LRP2: variants seen among roughly 807,000 people sequenced by gnomAD.
LRP2 encodes the protein low-density lipoprotein receptor-related protein 2.
In LRP2, 172 loss-of-function variants were observed where a neutral mutation model predicts 531.0. That is an observed-to-expected ratio of 0.32 (90% CI 0.29 to 0.37). LRP2 has a LOEUF of 0.37. LRP2 is among the 10% of genes least tolerant of loss of function. LRP2 has a pLI of 1.00. For synonymous variants in LRP2, 1,992 were observed against 2,027.6 expected (o/e 0.98, Z 0.47); for missense variants, 5,167 against 5,868.3 (o/e 0.88, Z 3.90).
chr2:169,288,406 C>A (rs1209825660), intron 9 of LRP2, among the ~76,000 whole-genome samples: 1 of 152,194 alleles, frequency 6.6e-6, no homozygotes, highest in Non-Finnish European at 1.5e-5. Flanking sequence ...TTAATGCCAG[C>A]CACCATCTGG....
chr2:169,132,629 G>A lies in LRP2; in HGVS notation c.13673C>T (p.Pro4558Leu), dbSNP rs1285682356. The change falls in exon 77 of 79, where the codon CCT (proline) becomes CTT (leucine). Residue 4558 changes from proline (P) to leucine (L), a missense_variant. Physicochemically the swap from Pro to Leu is moderately conservative, Grantham distance 98. This residue lies in a region of LRP2 where 348 missense variants were observed against 369.3 expected (regional missense o/e 0.94). Coordinates refer to ENST00000649046, the MANE Select transcript of LRP2 (RefSeq NM_004525.3). ...DNKNYGSPIN[P>L]SEIVPETNPT... ...GTTTGTCTCTGGAACTATCTCAGAA[G>A]GGTTTATGGGACTTCCATAATTCTT... The A allele has an allele frequency of 6.2e-7, 1 of 1,611,700 alleles. No individual in the cohort carries two copies. Among genetic ancestry groups the A allele is most frequent in the Admixed American group, 1.7e-5 (1 of 59,998 alleles).
chr2:169,292,230 T>C (rs1684016712), intron 7 of LRP2, 23 bp downstream of exon 7: 2 of 1,493,728 alleles, frequency 1.3e-6, no homozygotes, highest in Non-Finnish European at 1.9e-6. Flanking sequence ...TGCTTTTCAG[T>C]AGGAATCTCT....
rs539302457 is a variant in LRP2, at chr2:169,244,446, G to A, written c.3430+247C>T. Among the ~76,000 whole-genome samples, 3 of 152,276 alleles carry A rather than the reference G, an allele frequency of 2.0e-5. No homozygotes were observed. In the South Asian group the frequency reaches 6.2e-4, roughly 32 times the overall value. On this transcript the variant is annotated intron_variant, in intron 22 of 78. Coordinates refer to ENST00000649046, the MANE Select transcript of LRP2 (RefSeq NM_004525.3). ...ATTCCTATCTGAATTGAAATGTTTGGCATCAGAGGCAGTCCTTGCTTTGCT... is the reference window on the plus strand; with the variant it reads ...ATTCCTATCTGAATTGAAATGTTTGACATCAGAGGCAGTCCTTGCTTTGCT...
chr2:169,301,375 A>G (rs1684281842), intron 4 of LRP2, among the ~76,000 whole-genome samples: 1 of 151,086 alleles, frequency 6.6e-6, no homozygotes, highest in Non-Finnish European at 1.5e-5. Flanking sequence ...AGTAAAATGG[A>G]CCGCAGTTTT....
In LRP2 at chr2:169,244,708, C is replaced by T; in HGVS notation, c.3415G>A (p.Asp1139Asn). 1 of 1,614,228 alleles carries T rather than the reference C, an allele frequency of 6.2e-7. No individual in the cohort carries two copies. Among genetic ancestry groups the T allele is most frequent in the Non-Finnish European group, 8.5e-7 (1 of 1,180,042 alleles). ...DTDNDCGDGS[D>N]EKNCNSTETC... ...CAAAACTTACTGCAGTTCTTTTCAT[C>T]AGATCCATCCCCACAATCATTGTCT... is the stretch of plus-strand genomic sequence containing the variant. Residue 1139 changes from aspartate to asparagine, a missense_variant, in exon 22 of 79, where the codon GAT becomes AAT. By Grantham distance (23) the Asp-to-Asn change is conservative. This residue lies in a region of LRP2 where 2,811 missense variants were observed against 3,058.0 expected (regional missense o/e 0.92). Coordinates refer to ENST00000649046, the MANE Select transcript of LRP2 (RefSeq NM_004525.3).
At chr2:169,182,420 A>G (rs1687474803) in intron 50 of LRP2, 101 bp from the exon 51 acceptor site, 2 of 1,591,780 alleles carry the variant, frequency 1.3e-6, no homozygotes, top group Admixed American at 1.7e-5. Flanking sequence ...AATCACAGAC[A>G]GTTGTTAGAA....
At position 169,284,256 on chromosome 2, in the gene LRP2, C is replaced by CTCTTTTTTTT. The variant is rs1553508684; in HGVS notation, c.1043-1256_1043-1255insAAAAAAAAGA. 5.0e-4 allele frequency among the ~76,000 whole-genome samples: 48 copies of CTCTTTTTTTT among 96,646 alleles called. 2 individuals are homozygous for CTCTTTTTTTT. The highest frequency in any genetic ancestry group is 1.1e-3 in the South Asian group (3 of 2,758). The allele number at this position is 96,646 out of a possible 152,430, so 63.4% of individuals were successfully genotyped here. A position where few individuals can be genotyped will look rare whatever the true frequency, so the allele number is the denominator to read the frequency against. On this transcript the variant is annotated intron_variant, in intron 9 of 78. Transcript: ENST00000649046. ...CTTTTCTTTTCTTTTTCTTTTTTTT[C>CTCTTTTTTTT]TTTTTTTTTTTTTTTTTTTTTTTTT...
intron 33 of LRP2, among the ~76,000 whole-genome samples, chr2:169,223,774 A>C (rs187994939): frequency 6.6e-6 from 1 of 152,324 alleles, no homozygotes; most frequent in East Asian, 1.9e-4. Flanking sequence ...GGGGCCCTTC[A>C]TGTTAACACC....
At chr2:169,194,265 C>A (rs1365807542) in intron 46 of LRP2, among the ~76,000 whole-genome samples, 1 of 152,094 alleles carries the variant, frequency 6.6e-6, no homozygotes, top group Non-Finnish European at 1.5e-5. Context: ...AGTCTCCCCT[C>A]GCCTGCACTC....
intron 1 of LRP2, among the ~76,000 whole-genome samples, chr2:169,337,766 A>T (rs939642674): frequency 2.0e-5 from 3 of 152,200 alleles, no homozygotes; most frequent in African/African-American, 4.8e-5. Context: ...GTACATCTAC[A>T]TATATGCACA....
chr2:169,188,220 G>A lies in LRP2; in HGVS notation c.9078C>T (p.Gly3026=). ...TCTGTTGGCAAGTCTGGTATAAGCA[G>A]CCCCTCTCGTCGCTATAGTCACCAC... ...NDCGDYSDER[G]CLYQTCQQNQ... The change falls in exon 49 of 79, where the codon GGC becomes GGT. Residue 3026 remains glycine (G), a synonymous_variant. Coordinates refer to ENST00000649046, the MANE Select transcript of LRP2 (RefSeq NM_004525.3). The A allele has an allele frequency of 6.2e-7, 1 of 1,614,092 alleles. No individual in the cohort carries two copies. The highest frequency in any genetic ancestry group is 1.1e-5 in the South Asian group (1 of 91,068).
At chr2:169,240,920 T>A in intron 25 of LRP2, 68 bp downstream of exon 25, 3 of 1,578,632 alleles carry the variant, frequency 1.9e-6, no homozygotes, top group Non-Finnish European at 2.6e-6. Flanking sequence ...ACTGTGACAA[T>A]GGTGATGCAC....
chr2:169,299,090 A>G (rs1220928947), intron 4 of LRP2, among the ~76,000 whole-genome samples: 10 of 8,344 alleles, frequency 1.2e-3, no homozygotes, highest in South Asian at 4.9e-3. Context: ...AAAGAAGGAA[A>G]GAAAGAAAGA....
At chr2:169,170,482 A>C (rs1686954508) in intron 59 of LRP2, 69 bp downstream of exon 59, 1 of 1,198,290 alleles carries the variant, frequency 8.3e-7, no homozygotes, top group Non-Finnish European at 1.2e-6. Flanking sequence ...AGCCTTATAA[A>C]CACTAATTTG....
chr2:169,258,370 A>G (rs895174439), intron 17 of LRP2, among the ~76,000 whole-genome samples: 12 of 152,154 alleles, frequency 7.9e-5, no homozygotes, highest in African/African-American at 2.9e-4. Context: ...TAACGGAAGA[A>G]CAGGTATGGA....
chr2:169,150,746 G>A (rs1004582315), intron 68 of LRP2, 152 bp downstream of exon 68: 3 of 808,822 alleles, frequency 3.7e-6, no homozygotes, highest in African/African-American at 3.5e-5. Context: ...TCAAGGGCAT[G>A]TTATAATTCT....
rs746976141 is a variant in LRP2 at position 169,173,899 on chromosome 2, G to C, written c.11014+20C>G. The stretch of plus-strand genomic sequence containing the variant: ...GTCTCCCTGCTCTGGTCATGCCTTG[G>C]TCCTCCCACAGGAACTTACTGCATT... On this transcript the variant is annotated intron_variant, in intron 56 of 78. Coordinates refer to ENST00000649046, the MANE Select transcript of LRP2 (RefSeq NM_004525.3). The C allele has an allele frequency of 6.2e-7, 1 of 1,613,818 alleles. No homozygotes were observed. Among genetic ancestry groups the C allele is most frequent in the Non-Finnish European group, 8.5e-7 (1 of 1,180,008 alleles).
intron 1 of LRP2, among the ~76,000 whole-genome samples, chr2:169,327,390 G>C (rs1418527742): frequency 1.5e-5 from 2 of 132,226 alleles, no homozygotes; most frequent in African/African-American, 5.9e-5. Context: ...CTACTGGGAA[G>C]TGAGGAGCCC....
chr2:169,190,965 G>T (rs892798066), intron 48 of LRP2, among the ~76,000 whole-genome samples: 2 of 152,222 alleles, frequency 1.3e-5, no homozygotes, highest in Non-Finnish European at 2.9e-5. Flanking sequence ...GTTTGAAGAG[G>T]CCCATTTGGA....
Sources: allele counts gnomAD v4.1 joint callset (sites outside exome capture counted in the v4.1 genomes callset), GRCh38; gene constraint gnomAD v4.1.1; regional missense constraint gnomAD v4.1.1; transcripts MANE v1.5; gene names NCBI Gene and HGNC (gene_info 2026-07-23, HGNC 2026-07-21).